The following PPP2R2B variants were observed in gnomAD, a reference collection of about 807,000 sequenced individuals.
PPP2R2B encodes the protein serine/threonine-protein phosphatase 2A 55 kDa regulatory subunit B beta isoform.
PPP2R2B carries 5 observed loss-of-function variants against 46.0 expected under a neutral mutation model. That is an observed-to-expected ratio of 0.11 (90% confidence interval 0.06 to 0.23). The LOEUF (loss-of-function observed/expected upper bound fraction) is 0.23, where lower values mean the gene tolerates loss of function less well. Ranked by LOEUF, PPP2R2B falls within the 10% of genes least tolerant of loss-of-function variation. PPP2R2B has a pLI of 1.00. For missense variants in PPP2R2B, 367 were observed against 575.0 expected (o/e 0.64, Z 3.70); for synonymous variants, 215 against 206.7 (o/e 1.04, Z -0.34).
rs555161015 is a variant in PPP2R2B, at chr5:146,737,425, TAG to T, written c.71-36285_71-36284del. Among the ~76,000 whole-genome samples, 940 of 152,326 alleles carry T rather than the reference TAG, an allele frequency of 6.2e-3. 13 individuals are homozygous for T. Among genetic ancestry groups the T allele is most frequent in the Non-Finnish European group, 6.4e-3 (434 of 68,026 alleles). On this transcript the variant is annotated intron_variant, in intron 2 of 9. Transcript: ENST00000394411. Reference sequence around the variant, plus strand: ...AAAGTTACTGGAAGCTCCAAGACTGTAGAGAGTATTTACTTTTACCTCTTTAA... The same window carrying T: ...AAAGTTACTGGAAGCTCCAAGACTGTAGAGTATTTACTTTTACCTCTTTAA...
At chr5:146,699,404 C>T (rs1245129969) in intron 3 of PPP2R2B, among the ~76,000 whole-genome samples, 6 of 152,196 alleles carry the variant, frequency 3.9e-5, no homozygotes, top group Non-Finnish European at 7.3e-5. Flanking sequence ...CAAAGCTTAA[C>T]GCTTAACTGC....
chr5:147,054,809 C>G lies in PPP2R2B; in HGVS notation c.79+856G>C, dbSNP rs892988847. 29 of 398,220 alleles carry G rather than the reference C, an allele frequency of 7.3e-5. 1 individual carries two copies. The highest frequency in any genetic ancestry group is 4.4e-4 in the Admixed American group (14 of 31,660). The allele number at this position is 398,220 out of a possible 1,614,324, so 24.7% of individuals were successfully genotyped here. A position where few individuals can be genotyped will look rare whatever the true frequency, so the allele number is the denominator to read the frequency against. ...TGCCACTAGTAGGACAATCCTTAAGCCTGAAAAATGTCCAGCCAGTTGCTT... is the reference window on the plus strand; with the variant it reads ...TGCCACTAGTAGGACAATCCTTAAGGCTGAAAAATGTCCAGCCAGTTGCTT... On this transcript the variant is annotated intron_variant, in intron 1 of 8. Coordinates refer to the PPP2R2B transcript ENST00000336640.
intron 1 of PPP2R2B, among the ~76,000 whole-genome samples, chr5:146,976,950 T>C (rs1378301777): frequency 1.3e-5 from 2 of 152,180 alleles, no homozygotes; most frequent in African/African-American, 4.8e-5. Flanking sequence ...AGTATTTGGA[T>C]ATTTCTCTCT....
In PPP2R2B at chr5:146,917,565, A is replaced by C. The variant is rs59379734; in HGVS notation, c.79+138100T>G. 5.7e-3 allele frequency among the ~76,000 whole-genome samples: 862 copies of C among 152,356 alleles called. 29 individuals carry two copies. In the East Asian group the frequency reaches 0.067, roughly 12 times the overall value. The stretch of plus-strand genomic sequence containing the variant: ...GGTTCAAAGTTATGCCCAAGGGCAC[A>C]CAATTAATGGTAGAGTTGGTTCTAG... On this transcript the variant is annotated intron_variant, in intron 1 of 8. Coordinates refer to the PPP2R2B transcript ENST00000336640.
chr5:146,704,649 T>C (rs982831607), intron 2 of PPP2R2B, among the ~76,000 whole-genome samples: 4 of 152,218 alleles, frequency 2.6e-5, no homozygotes, highest in Non-Finnish European at 4.4e-5. Context: ...CCAAATCTAT[T>C]TGTGCTGATT....
intron 1 of PPP2R2B, among the ~76,000 whole-genome samples, chr5:146,902,349 C>A (rs773682524): frequency 6.6e-6 from 1 of 152,124 alleles, no homozygotes; most frequent in Non-Finnish European, 1.5e-5. Flanking sequence ...AACTGTTCTG[C>A]AAAATGTCTC....
At chr5:147,012,997 C>G (rs1230447134) in intron 1 of PPP2R2B, among the ~76,000 whole-genome samples, 2 of 151,630 alleles carry the variant, frequency 1.3e-5, no homozygotes, top group Non-Finnish European at 2.9e-5. Context: ...ATTGTCTCAG[C>G]CCAAAATCTC....
rs1451294439 is a variant in PPP2R2B, at chr5:146,761,080, G to T, written c.71-59938C>A. 7.9e-5 allele frequency among the ~76,000 whole-genome samples: 12 copies of T among 152,218 alleles called. No homozygotes were observed. The East Asian group carries it at 2.3e-3, about 29-fold the overall frequency. ...CACTGTTGGTGGGACTGTAAACTAG[G>T]TCAACCATTGTGGAAGTCAGTGTGG... On this transcript the variant is annotated intron_variant, in intron 2 of 9. Coordinates refer to ENST00000394411, the MANE Select transcript of PPP2R2B (RefSeq NM_181675.4).
chr5:146,602,162 AT>A (rs1214931293), intron 7 of PPP2R2B, among the ~76,000 whole-genome samples: 1 of 152,094 alleles, frequency 6.6e-6, no homozygotes, highest in African/African-American at 2.4e-5. Flanking sequence ...CTGGTCATTT[AT>A]TTAGTATTTG....
chr5:146,926,285 T>C (rs566762869), intron 1 of PPP2R2B, among the ~76,000 whole-genome samples: 1 of 152,326 alleles, frequency 6.6e-6, no homozygotes, highest in East Asian at 1.9e-4. Flanking sequence ...GTATTTTGTT[T>C]GTAACTTTCC....
chr5:147,081,027 G>A, intron 2 of PPP2R2B: 1 of 1,519,314 alleles, frequency 6.6e-7, no homozygotes, highest in Non-Finnish European at 8.8e-7. Context: ...CTCCCAAGGA[G>A]GCAAGGAAAA....
upstream of PPP2R2B, among the ~76,000 whole-genome samples, chr5:147,056,956 T>C (rs532276741): frequency 5.3e-5 from 8 of 152,316 alleles, no homozygotes; most frequent in Non-Finnish European, 1.0e-4. Flanking sequence ...ATGATTTAAA[T>C]GTCCATAAAA....
intron 2 of PPP2R2B, among the ~76,000 whole-genome samples, chr5:146,728,269 G>A (rs1295864730): frequency 2.0e-5 from 3 of 148,914 alleles, no homozygotes; most frequent in Non-Finnish European, 3.0e-5. Flanking sequence ...GGGGAAAAAT[G>A]TTTTCTTCTC....
rs963287725 is a variant in PPP2R2B at position 146,586,528 on chromosome 5, A to G, written c.*3419T>C. 6.6e-6 allele frequency: 1 copy of G among 152,194 alleles called. No homozygotes were observed. Among genetic ancestry groups the G allele is most frequent in the Non-Finnish European group, 1.5e-5 (1 of 68,034 alleles). The allele number at this position is 152,194 out of a possible 1,614,324, so 9.4% of individuals were successfully genotyped here. ...GGCATTTGAGTGTGTACCTTTTATT[A>G]TAATGGACCCTAGAATATTCAAAGG... On this transcript the variant is annotated 3_prime_UTR_variant, in exon 10 of 10. Transcript: ENST00000394411.
chr5:146,622,711 G>A (rs1773788544), intron 7 of PPP2R2B, among the ~76,000 whole-genome samples: 1 of 152,134 alleles, frequency 6.6e-6, no homozygotes, highest in African/African-American at 2.4e-5. Context: ...CTGAAAAGTT[G>A]AGTTGGAAAC....
At chr5:146,779,340 G>A (rs161031) in intron 2 of PPP2R2B, among the ~76,000 whole-genome samples, 89,296 of 151,964 alleles carry the variant, frequency 0.59, 27,787 homozygotes, top group Non-Finnish European at 0.68. Context: ...TTACTCTGCT[G>A]GCGGTTGATT....
intron 5 of PPP2R2B, among the ~76,000 whole-genome samples, chr5:146,675,265 T>C (rs1052590346): frequency 1.3e-5 from 2 of 152,182 alleles, no homozygotes; most frequent in African/African-American, 4.8e-5. Context: ...CCGCCGATAC[T>C]TGGTATTTTA....
chr5:146,765,358 G>A (rs1754414169), intron 2 of PPP2R2B, among the ~76,000 whole-genome samples: 1 of 152,162 alleles, frequency 6.6e-6, no homozygotes, highest in Non-Finnish European at 1.5e-5. Context: ...TGGTAAGAAA[G>A]TTTCATAAGG....
At chr5:146,801,285 T>C (rs1756851027) in intron 2 of PPP2R2B, among the ~76,000 whole-genome samples, 1 of 152,166 alleles carries the variant, frequency 6.6e-6, no homozygotes, top group African/African-American at 2.4e-5. Flanking sequence ...CATTATTGTA[T>C]TGTAGACTTG....
Sources: allele counts gnomAD v4.1 joint callset (sites outside exome capture counted in the v4.1 genomes callset), GRCh38; gene constraint gnomAD v4.1.1; transcripts MANE v1.5; gene names NCBI Gene and HGNC (gene_info 2026-07-23, HGNC 2026-07-21).